BROX: variants seen among roughly 807,000 people sequenced by gnomAD.
BROX encodes BRO1 domain-containing protein BROX.
A neutral mutation model predicts 61.0 loss-of-function variants in BROX; 53 were observed. That is an observed-to-expected ratio of 0.87 (90% CI 0.70 to 1.09). BROX has a LOEUF of 1.09. Ranked by LOEUF, BROX falls within the 50% of genes least tolerant of loss-of-function variation. BROX has a pLI of 0.00. For synonymous variants in BROX, 152 were observed against 160.2 expected, an observed-to-expected ratio of 0.95 and a Z score of 0.38; for missense variants, 489 against 472.0, an observed-to-expected ratio of 1.04 and a Z score of -0.33.
rs770206833 is a variant in BROX at position 222,712,774 on chromosome 1, G to C, written c.-185G>C. On this transcript the variant is annotated 5_prime_UTR_variant, in exon 1 of 13. Transcript: ENST00000340934. Reference sequence around the variant, plus strand: ...AGCTGCGCGCACTACCGCCTCGGTAGCTATCATGGCCGCCGGGTCACGTGA... The same window carrying C: ...AGCTGCGCGCACTACCGCCTCGGTACCTATCATGGCCGCCGGGTCACGTGA... 1 of 1,289,606 alleles carries C rather than the reference G, an allele frequency of 7.8e-7. No homozygotes were observed. Among genetic ancestry groups the C allele is most frequent in the Admixed American group, 2.3e-5 (1 of 43,546 alleles). The allele number at this position is 1,289,606 out of a possible 1,614,324, so 79.9% of individuals were successfully genotyped here.
intron 5 of BROX, 53 bp downstream of exon 5, chr1:222,722,567 G>T: frequency 8.1e-7 from 1 of 1,241,126 alleles, no homozygotes; most frequent in Non-Finnish European, 1.2e-6. Context: ...CAAGTATGTG[G>T]CGCTTCATTA....
chr1:222,731,633 A>T (rs1657949339), intron 12 of BROX, 117 bp downstream of exon 12: 1 of 1,115,802 alleles, frequency 9.0e-7, no homozygotes, highest in Non-Finnish European at 1.3e-6. Context: ...ATGTTAAGTT[A>T]GCTAGTTATA....
In BROX at chr1:222,719,247, T is replaced by G. The variant is rs377402054; in HGVS notation, c.209-16T>G. ...CTAATTCTTCTAAAACTAAAATGTC[T>G]TGTACTTTTCTATAGGTTTCATAAA... On this transcript the variant is annotated splice_polypyrimidine_tract_variant and intron_variant, in intron 3 of 12. Coordinates refer to ENST00000340934, the MANE Select transcript of BROX (RefSeq NM_144695.4). The G allele has an allele frequency of 1.1e-4, 172 of 1,528,878 alleles. No homozygotes were observed. The highest frequency in any genetic ancestry group is 1.4e-4 in the Non-Finnish European group (152 of 1,106,150). 94.7% of individuals were successfully genotyped at this position (1,528,878 alleles called of 1,614,324 possible). A position where few individuals can be genotyped will look rare whatever the true frequency, so the allele number is the denominator to read the frequency against.
chr1:222,713,351 G>C (rs1419563967), intron 1 of BROX: 7 of 985,658 alleles, frequency 7.1e-6, no homozygotes. Context: ...ACGGGACTGG[G>C]CACGGGAGGA....
At chr1:222,722,565 T>C in intron 5 of BROX, 51 bp downstream of exon 5, 1 of 1,247,560 alleles carries the variant, frequency 8.0e-7, no homozygotes. Context: ...TTCAAGTATG[T>C]GGCGCTTCAT....
At chr1:222,721,924 C>A (rs1447859409) in intron 4 of BROX, among the ~76,000 whole-genome samples, 1 of 152,120 alleles carries the variant, frequency 6.6e-6, no homozygotes, top group Admixed American at 6.5e-5. Context: ...TGTCCTTTTG[C>A]TTCCCTTCTA....
At chr1:222,731,216 G>A in intron 11 of BROX, 141 bp from the exon 12 acceptor site, 1 of 670,538 alleles carries the variant, frequency 1.5e-6, no homozygotes, top group South Asian at 2.7e-5. Context: ...AAAGTTTCTT[G>A]ACTTTTTCAC....
chr1:222,719,464 C>G (rs1275739497), intron 4 of BROX, 105 bp downstream of exon 4: 2 of 752,546 alleles, frequency 2.7e-6, no homozygotes, highest in Non-Finnish European at 4.5e-6. Flanking sequence ...TACAGGTCTG[C>G]TCAGCGTTTT....
rs200721598 is a variant in BROX, at chr1:222,731,527, GTT to G, written c.1149+21_1149+22del. ...CCCAAGGATGACAGTGTATGAGATT[GTT>G]TTTTTTTTTCCCTCTCATTCACAAA... On this transcript the variant is annotated intron_variant, in intron 12 of 12. Coordinates refer to ENST00000340934, the MANE Select transcript of BROX (RefSeq NM_144695.4). The G allele has an allele frequency of 3.6e-5, 44 of 1,232,578 alleles. No individual in the cohort carries two copies. The highest frequency in any genetic ancestry group is 4.1e-4 in the Middle Eastern group (2 of 4,848). 76.4% of individuals were successfully genotyped at this position (1,232,578 alleles called of 1,614,324 possible).
chr1:222,723,640 A>G (rs1187550461), intron 5 of BROX, among the ~76,000 whole-genome samples: 1 of 152,142 alleles, frequency 6.6e-6, no homozygotes, highest in Non-Finnish European at 1.5e-5. Flanking sequence ...CGTACATTTC[A>G]TATGCATTTG....
chr1:222,716,887 G>A (rs372174365), intron 2 of BROX, among the ~76,000 whole-genome samples: 1 of 152,212 alleles, frequency 6.6e-6, no homozygotes, highest in Non-Finnish European at 1.5e-5. Flanking sequence ...TGCAAAAGAT[G>A]TTTTGAAGGA....
At chr1:222,718,747 C>G (rs543064785) in intron 2 of BROX, among the ~76,000 whole-genome samples, 178 bp from the exon 3 acceptor site, 2 of 151,846 alleles carry the variant, frequency 1.3e-5, no homozygotes, top group South Asian at 4.2e-4. Flanking sequence ...TTTGTTAATC[C>G]CTTAGAGGAG....
Position 222,729,624 on chromosome 1 carries a change from A to G in BROX, c.761A>G (p.Tyr254Cys). 1 of 1,612,320 alleles carries G rather than the reference A, an allele frequency of 6.2e-7. No individual in the cohort carries two copies. The highest frequency in any genetic ancestry group is 1.7e-4 in the Middle Eastern group (1 of 6,054). Residue 254 changes from tyrosine (Y) to cysteine (C), a missense_variant, in exon 10 of 13, where the codon TAC becomes TGC. Tyr to Cys is a radical substitution (Grantham distance 194). Coordinates refer to ENST00000340934, the MANE Select transcript of BROX (RefSeq NM_144695.4). Reference sequence around the variant, plus strand: ...AAAATTTGTTTATTTCATCAGGCTTACTGTTACCATGGTGAGACTTTATTG... The same window carrying G: ...AAAATTTGTTTATTTCATCAGGCTTGCTGTTACCATGGTGAGACTTTATTG... ...LKMCFYTAYA[Y>C]CYHGETLLAS...
intron 1 of BROX, among the ~76,000 whole-genome samples, chr1:222,714,743 C>T (rs950810014): frequency 2.0e-5 from 3 of 151,946 alleles, no homozygotes; most frequent in Non-Finnish European, 4.4e-5. Context: ...GCGTGGCTAC[C>T]ATCCCCGGCT....
intron 11 of BROX, among the ~76,000 whole-genome samples, chr1:222,730,578 A>T (rs1475795259): frequency 6.6e-6 from 1 of 152,240 alleles, no homozygotes; most frequent in African/African-American, 2.4e-5. Flanking sequence ...CCTGGGCAAG[A>T]GTGAGACACT....
chr1:222,723,994 TA>T, intron 5 of BROX, 97 bp from the exon 6 acceptor site: 1 of 817,984 alleles, frequency 1.2e-6, no homozygotes, highest in Non-Finnish European at 1.9e-6. Context: ...GTGAGAAACA[TA>T]AATGACTACT....
intron 2 of BROX, among the ~76,000 whole-genome samples, chr1:222,716,396 GCTC>G (rs1656614831): frequency 6.6e-6 from 1 of 152,196 alleles, no homozygotes. Flanking sequence ...ACCATGCCCA[GCTC>G]TATAGGGACA....
At chr1:222,724,463 A>G (rs1016743839) in intron 6 of BROX, among the ~76,000 whole-genome samples, 5 of 152,170 alleles carry the variant, frequency 3.3e-5, no homozygotes, top group Admixed American at 6.5e-5. Flanking sequence ...AGAAGTATTG[A>G]TGGTTCTTAC....
In BROX at chr1:222,712,856, C is replaced by G; in HGVS notation, c.-103C>G. The G allele has an allele frequency of 7.8e-7, 1 of 1,275,976 alleles. No homozygotes were observed. The highest frequency in any genetic ancestry group is 1.3e-5 in the South Asian group (1 of 79,844). 79.0% of individuals were successfully genotyped at this position (1,275,976 alleles called of 1,614,324 possible). A position where few individuals can be genotyped will look rare whatever the true frequency, so the allele number is the denominator to read the frequency against. On this transcript the variant is annotated 5_prime_UTR_variant, in exon 1 of 13. Coordinates refer to ENST00000340934, the MANE Select transcript of BROX (RefSeq NM_144695.4). Reference sequence around the variant, plus strand: ...ACCCTGGTTCTGTAGTCTCGGTTCTCCGACTCCCTCTTTTTCTCGCTTGTG... The same window carrying G: ...ACCCTGGTTCTGTAGTCTCGGTTCTGCGACTCCCTCTTTTTCTCGCTTGTG...
Sources: allele counts gnomAD v4.1 joint callset (sites outside exome capture counted in the v4.1 genomes callset), GRCh38; gene constraint gnomAD v4.1.1; transcripts MANE v1.5; gene names NCBI Gene and HGNC (gene_info 2026-07-23, HGNC 2026-07-21).